The following TMEM45A variants were observed in gnomAD, a reference collection of about 807,000 sequenced individuals.
The protein encoded by TMEM45A is transmembrane protein 45A.
A neutral mutation model predicts 32.0 loss-of-function variants in TMEM45A; 25 were observed. The ratio of observed to expected loss-of-function variants is 0.78; its 90% CI spans 0.57 to 1.09. The LOEUF is 1.09. TMEM45A is among the 50% of genes least tolerant of loss of function. The probability of loss-of-function intolerance (pLI) is 0.00; values close to 1 mark genes in which losing one functional copy is unlikely to be tolerated. For synonymous variants in TMEM45A, 122 were observed against 114.8 expected (o/e 1.06, Z -0.40); for missense variants, 302 against 325.0 (o/e 0.93, Z 0.54).
chr3:100,536,912 G>A (rs977502919), intron 1 of TMEM45A, among the ~76,000 whole-genome samples: 2 of 152,158 alleles, frequency 1.3e-5, no homozygotes, highest in Non-Finnish European at 2.9e-5. Context: ...TGGCAGTAGG[G>A]GGAAGGAGGA....
At chr3:100,538,964 G>A (rs1195680119) in intron 1 of TMEM45A, among the ~76,000 whole-genome samples, 1 of 152,038 alleles carries the variant, frequency 6.6e-6, no homozygotes, top group African/African-American at 2.4e-5. Flanking sequence ...CTAAATAAAT[G>A]GAGAAATATT....
intron 1 of TMEM45A, among the ~76,000 whole-genome samples, chr3:100,524,900 G>C (rs1705511390): frequency 6.6e-6 from 1 of 151,890 alleles, no homozygotes; most frequent in South Asian, 2.1e-4. Flanking sequence ...AGTACAAAAA[G>C]AAAAAAAGGC....
chr3:100,540,325 A>C (rs879431231), intron 1 of TMEM45A, among the ~76,000 whole-genome samples: 19 of 152,204 alleles, frequency 1.2e-4, no homozygotes, highest in Non-Finnish European at 2.6e-4. Flanking sequence ...ATATCTAAAC[A>C]ATATAAATGG....
intron 1 of TMEM45A, among the ~76,000 whole-genome samples, chr3:100,509,945 C>T (rs533499109): frequency 6.6e-6 from 1 of 152,322 alleles, no homozygotes; most frequent in East Asian, 1.9e-4. Context: ...AGATTATATC[C>T]CACGCATGGC....
At chr3:100,509,156 C>T (rs377673367) in intron 1 of TMEM45A, among the ~76,000 whole-genome samples, 10 of 152,048 alleles carry the variant, frequency 6.6e-5, no homozygotes, top group East Asian at 1.9e-4. Flanking sequence ...AGAAGACATA[C>T]GAATGACTAA....
chr3:100,505,197 C>G (rs1708062446), intron 1 of TMEM45A, among the ~76,000 whole-genome samples: 1 of 152,162 alleles, frequency 6.6e-6, no homozygotes, highest in African/African-American at 2.4e-5. Flanking sequence ...CAGAGAGCCT[C>G]TTGTGTGGAG....
rs116285455 is a variant in TMEM45A at position 100,503,627 on chromosome 3, A to T, written c.-4+10699A>T. Among the ~76,000 whole-genome samples the T allele has an allele frequency of 6.6e-3, 1,003 of 152,346 alleles. 15 individuals are homozygous for T. The highest frequency in any genetic ancestry group is 0.022 in the African/African-American group (931 of 41,572). ...GTGATGGGACTTTGTCCAATGTAAG[A>T]TACTTTGCAGAAGTGAGTGATTCTG... is the stretch of plus-strand genomic sequence containing the variant. On this transcript the variant is annotated intron_variant, in intron 1 of 5. Transcript: ENST00000323523.
chr3:100,562,269 A>G (rs1706353249), intron 4 of TMEM45A, among the ~76,000 whole-genome samples: 15 of 151,956 alleles, frequency 9.9e-5, no homozygotes. Flanking sequence ...GACGACAAAT[A>G]AAAGTGTGGT....
intron 1 of TMEM45A, 63 bp from the exon 2 acceptor site, chr3:100,555,146 A>G: frequency 7.2e-7 from 1 of 1,386,792 alleles, no homozygotes; most frequent in Non-Finnish European, 9.9e-7. Flanking sequence ...GAAACAAGTG[A>G]TGTTTTGTCC....
intron 1 of TMEM45A, among the ~76,000 whole-genome samples, chr3:100,504,642 A>G (rs1453385826): frequency 6.6e-6 from 1 of 152,208 alleles, no homozygotes; most frequent in Non-Finnish European, 1.5e-5. Flanking sequence ...TGCCCGCTGG[A>G]TATCTCCAAT....
chr3:100,505,505 A>C (rs2148930429), intron 1 of TMEM45A, among the ~76,000 whole-genome samples: 1 of 152,340 alleles, frequency 6.6e-6, no homozygotes, highest in African/African-American at 2.4e-5. Flanking sequence ...AGAATGGAGA[A>C]TGTGATGTAG....
intron 1 of TMEM45A, among the ~76,000 whole-genome samples, chr3:100,500,804 A>C (rs1379925415): frequency 6.6e-6 from 1 of 152,258 alleles, no homozygotes; most frequent in Non-Finnish European, 1.5e-5. Context: ...ATTTAAAAAA[A>C]ATGACCAGCA....
At chr3:100,565,550 A>T (rs1055735403) in intron 4 of TMEM45A, among the ~76,000 whole-genome samples, 1 of 152,172 alleles carries the variant, frequency 6.6e-6, no homozygotes, top group Non-Finnish European at 1.5e-5. Context: ...TTATCGAGAT[A>T]ATAAGGATAA....
chr3:100,539,502 C>T (rs371263450), intron 1 of TMEM45A, among the ~76,000 whole-genome samples: 1,322 of 54,510 alleles, frequency 0.024, 19 homozygotes, highest in African/African-American at 0.064. Flanking sequence ...TATACGTATA[C>T]GTATACGTAT....
At chr3:100,553,896 G>A (rs560815946) in intron 1 of TMEM45A, among the ~76,000 whole-genome samples, 30 of 152,242 alleles carry the variant, frequency 2.0e-4, no homozygotes, top group Admixed American at 1.4e-3. Context: ...TAGTGTTTGG[G>A]TCAGCTTCCA....
At chr3:100,548,107 A>G (rs1321166882) in intron 1 of TMEM45A, among the ~76,000 whole-genome samples, 2 of 152,168 alleles carry the variant, frequency 1.3e-5, no homozygotes, top group Non-Finnish European at 2.9e-5. Context: ...TAAATAAGGT[A>G]ATAGCACTCT....
At chr3:100,512,484 G>A (rs1261293620) in intron 1 of TMEM45A, among the ~76,000 whole-genome samples, 1 of 152,148 alleles carries the variant, frequency 6.6e-6, no homozygotes, top group African/African-American at 2.4e-5. Flanking sequence ...AGTGTGTAGA[G>A]GGAAATTTAT....
chr3:100,541,286 C>T (rs967398055), intron 1 of TMEM45A, among the ~76,000 whole-genome samples: 12 of 152,122 alleles, frequency 7.9e-5, no homozygotes, highest in African/African-American at 2.9e-4. Context: ...TGCCTGTTTA[C>T]TCTGTTGGTG....
intron 5 of TMEM45A, among the ~76,000 whole-genome samples, chr3:100,569,534 G>C (rs1194624961): frequency 6.6e-6 from 1 of 152,126 alleles, no homozygotes; most frequent in African/African-American, 2.4e-5. Flanking sequence ...CATATTTTTA[G>C]CTGCACTATT....
Sources: allele counts gnomAD v4.1 joint callset (sites outside exome capture counted in the v4.1 genomes callset), GRCh38; gene constraint gnomAD v4.1.1; transcripts MANE v1.5; gene names NCBI Gene and HGNC (gene_info 2026-07-23, HGNC 2026-07-21).